ZNF43: variants seen among roughly 807,000 people sequenced by gnomAD.
ZNF43 encodes zinc finger protein 43, also known as zinc finger protein 39-like 1 (KOX 27).
Under a neutral mutation model 68.4 loss-of-function variants are expected in ZNF43, and 44 were observed. The observed-to-expected ratio is 0.64, with a 90% CI of 0.51 to 0.83. The LOEUF (loss-of-function observed/expected upper bound fraction) is 0.83, where lower values mean the gene tolerates loss of function less well. Among genes scored for constraint, ZNF43 ranks in the 40% least tolerant of loss-of-function variants. ZNF43 has a pLI of 0.00. For synonymous variants in ZNF43, 308 were observed against 307.8 expected, an observed-to-expected ratio of 1.00 and a Z score of -0.01; for missense variants, 896 against 933.2, an observed-to-expected ratio of 0.96 and a Z score of 0.52.
rs750163546 is a variant in ZNF43, at chr19:21,819,114, GTAGT to G, written c.107_110del (p.Asn36ThrfsTer16). ...GCTCACCCAGGAAGACCAGGTTTCTGTAGTTCTCTAACATCACATTCCTATATAA... is the reference window on the plus strand; with the variant it reads ...GCTCACCCAGGAAGACCAGGTTTCTGTCTCTAACATCACATTCCTATATAA... On this transcript the variant is annotated frameshift_variant, in exon 2 of 4. Transcript: ENST00000354959. LOFTEE classifies it high-confidence loss of function. 5 of 1,611,444 alleles carry G rather than the reference GTAGT, an allele frequency of 3.1e-6. No homozygotes were observed. In the Admixed American group the frequency reaches 6.7e-5, roughly 22 times the overall value.
Position 21,808,074 on chromosome 19 carries a change from A to T in ZNF43, c.1963T>A (p.Cys655Ser). 1 of 1,612,930 alleles carries T rather than the reference A, an allele frequency of 6.2e-7. No individual in the cohort carries two copies. The highest frequency in any genetic ancestry group is 8.5e-7 in the Non-Finnish European group (1 of 1,179,856). ...TEEKPYKCEE[C>S]GKAFKWSSTL... ...GAGGACCACTTAAAGGCTTTGCCAC[A>T]TTCTTCACATTTGTAGGGTTTCTCC... Residue 655 changes from cysteine to serine, a missense_variant, in exon 4 of 4, where the codon TGT becomes AGT. Cys to Ser is a moderately radical substitution (Grantham distance 112). Transcript: ENST00000354959.
intron 1 of ZNF43, among the ~76,000 whole-genome samples, chr19:21,849,162 C>G (rs552627205): frequency 4.6e-5 from 7 of 152,114 alleles, no homozygotes; most frequent in African/African-American, 1.7e-4. Flanking sequence ...ATGACACTCT[C>G]TGTACCACGA....
intron 3 of ZNF43, among the ~76,000 whole-genome samples, chr19:21,816,356 G>C (rs2037528133): frequency 1.3e-5 from 2 of 152,164 alleles, no homozygotes; most frequent in African/African-American, 4.8e-5. Context: ...CTTTAAAAGA[G>C]CTTTGAGATC....
At position 21,806,169 on chromosome 19, in the gene ZNF43, C is replaced by CTTTTTTTTTTTTTTTTTT. The variant is rs74174041; in HGVS notation, c.*1420_*1437dup. The CTTTTTTTTTTTTTTTTTT allele has an allele frequency of 1.6e-5, 2 of 126,122 alleles. No individual in the cohort carries two copies. Among genetic ancestry groups the CTTTTTTTTTTTTTTTTTT allele is most frequent in the Admixed American group, 8.1e-5 (1 of 12,384 alleles). 7.8% of individuals were successfully genotyped at this position (126,122 alleles called of 1,614,324 possible). A position where few individuals can be genotyped will look rare whatever the true frequency, so the allele number is the denominator to read the frequency against. ...CTCCAGTTACATTTTCATCACGCAT[C>CTTTTTTTTTTTTTTTTTT]TTTTTTTTTTTTTTTTTTCTTTTTG... On this transcript the variant is annotated 3_prime_UTR_variant, in exon 4 of 4. Coordinates refer to ENST00000354959, the MANE Select transcript of ZNF43 (RefSeq NM_003423.4).
intron 3 of ZNF43, among the ~76,000 whole-genome samples, chr19:21,812,759 C>T (rs1431302536): frequency 6.6e-6 from 1 of 151,660 alleles, no homozygotes; most frequent in Non-Finnish European, 1.5e-5. Flanking sequence ...GAGATCAGCC[C>T]GGCCAACATG....
At chr19:21,831,349 T>C (rs1048016346) in intron 1 of ZNF43, among the ~76,000 whole-genome samples, 2 of 150,924 alleles carry the variant, frequency 1.3e-5, no homozygotes, top group Non-Finnish European at 3.0e-5. Context: ...AGCAGAAAAT[T>C]TTTTTTTTTT....
In ZNF43 at chr19:21,809,810, G is replaced by GA; in HGVS notation, c.230-4dup. 6.7e-7 allele frequency: 1 copy of GA among 1,494,830 alleles called. No homozygotes were observed. The highest frequency in any genetic ancestry group is 2.3e-5 in the East Asian group (1 of 43,290). The allele number at this position is 1,494,830 out of a possible 1,614,324, so 92.6% of individuals were successfully genotyped here. On this transcript the variant is annotated splice_polypyrimidine_tract_variant and splice_region_variant and intron_variant, in intron 3 of 3. Coordinates refer to ENST00000354959, the MANE Select transcript of ZNF43 (RefSeq NM_003423.4). ...TTGGGTAAAATGAGAACACATAACTGAAAAAAATAAAAATAACAAATTATT... is the reference window on the plus strand; with the variant it reads ...TTGGGTAAAATGAGAACACATAACTGAAAAAAAATAAAAATAACAAATTATT...
intron 1 of ZNF43, among the ~76,000 whole-genome samples, chr19:21,834,651 C>T (rs1001574588): frequency 1.3e-5 from 2 of 151,316 alleles, no homozygotes; most frequent in African/African-American, 4.9e-5. Context: ...TCCAGCTACT[C>T]GGGAGGCTGA....
intron 1 of ZNF43, 24 bp from the exon 2 acceptor site, chr19:21,819,245 C>CA: frequency 6.4e-7 from 1 of 1,553,442 alleles, no homozygotes; most frequent in East Asian, 2.3e-5. Context: ...CACATACACA[C>CA]ACAAACACAC....
At chr19:21,815,876 TG>T (rs1464169808) in intron 3 of ZNF43, among the ~76,000 whole-genome samples, 1 of 151,818 alleles carries the variant, frequency 6.6e-6, no homozygotes, top group Non-Finnish European at 1.5e-5. Flanking sequence ...CTGACTAACA[TG>T]GTGAAATCCC....
At chr19:21,824,009 G>T (rs904880715) in intron 1 of ZNF43, among the ~76,000 whole-genome samples, 2 of 152,164 alleles carry the variant, frequency 1.3e-5, no homozygotes, top group Admixed American at 6.5e-5. Flanking sequence ...GTGAAACCCT[G>T]TCTCTACTAA....
chr19:21,834,787 A>C (rs916560710), intron 1 of ZNF43, among the ~76,000 whole-genome samples: 24 of 151,686 alleles, frequency 1.6e-4, no homozygotes, highest in Admixed American at 1.6e-3. Context: ...GAAGGAAGGA[A>C]GGAAGGAAAG....
At chr19:21,824,993 T>C (rs1446426735) in intron 1 of ZNF43, among the ~76,000 whole-genome samples, 1 of 152,076 alleles carries the variant, frequency 6.6e-6, no homozygotes, top group African/African-American at 2.4e-5. Flanking sequence ...CCTAGAACTC[T>C]GGGAGGCCAA....
At chr19:21,816,014 C>T (rs2435006) in intron 3 of ZNF43, among the ~76,000 whole-genome samples, 13,460 of 151,044 alleles carry the variant, frequency 0.089, 843 homozygotes, top group South Asian at 0.21. Context: ...TGAGCTGAGA[C>T]TGTGCCATTG....
intron 1 of ZNF43, among the ~76,000 whole-genome samples, chr19:21,820,200 A>AAAT (rs538318209): frequency 7.0e-5 from 10 of 142,986 alleles, no homozygotes; most frequent in Admixed American, 2.8e-4. Flanking sequence ...CTCCATCTCA[A>AAAT]AATAATAATA....
intron 3 of ZNF43, among the ~76,000 whole-genome samples, chr19:21,815,027 A>C (rs1474564960): frequency 1.3e-5 from 2 of 151,982 alleles, no homozygotes; most frequent in Non-Finnish European, 1.5e-5. Context: ...GTCTCTACTA[A>C]AAATACAAAA....
upstream of ZNF43, among the ~76,000 whole-genome samples, chr19:21,837,451 G>T: frequency 8.8e-6 from 1 of 113,586 alleles, no homozygotes; most frequent in Admixed American, 1.0e-4. Flanking sequence ...TTGAGACGGA[G>T]TCTTGCTCTG....
Position 21,817,922 on chromosome 19 carries a change from A to T in ZNF43, c.195T>A (p.Pro65=). ...CLEQEKEPWE[P]MRRHEMVAKP... is the part of the protein sequence containing the mutation. ...TGGCTACCATTTCATGTCTCCTCAT[A>T]GGCTCCCAAGGCTCTTTTTCTTGCT... The change falls in exon 3 of 4, where the codon CCT becomes CCA. Residue 65 remains proline (P), a synonymous_variant. Coordinates refer to ENST00000354959, the MANE Select transcript of ZNF43 (RefSeq NM_003423.4). The T allele has an allele frequency of 6.2e-7, 1 of 1,613,104 alleles. No individual in the cohort carries two copies.
At chr19:21,829,825 CAA>C (rs1386739118) in intron 1 of ZNF43, among the ~76,000 whole-genome samples, 3 of 151,486 alleles carry the variant, frequency 2.0e-5, no homozygotes, top group Admixed American at 6.6e-5. Context: ...AGCTCCGTCT[CAA>C]AAAACAAAAA....
Sources: allele counts gnomAD v4.1 joint callset (sites outside exome capture counted in the v4.1 genomes callset), GRCh38; gene constraint gnomAD v4.1.1; transcripts MANE v1.5; gene names NCBI Gene and HGNC (gene_info 2026-07-23, HGNC 2026-07-21).